TENM2: variants seen among roughly 807,000 people sequenced by gnomAD.
The protein encoded by TENM2 is teneurin transmembrane protein 2.
A neutral mutation model predicts 245.2 loss-of-function variants in TENM2; 52 were observed. That is an observed-to-expected ratio of 0.21 (90% CI 0.17 to 0.27). The LOEUF is 0.27. Among genes scored for constraint, TENM2 ranks in the 10% least tolerant of loss-of-function variants. The pLI, the probability that TENM2 is intolerant of heterozygous loss-of-function variation, is 1.00. For missense variants in TENM2, 3,046 were observed against 3,666.8 expected, an observed-to-expected ratio of 0.83 and a Z score of 4.37; for synonymous variants, 1,363 against 1,438.9, an observed-to-expected ratio of 0.95 and a Z score of 1.19.
intron 2 of TENM2, among the ~76,000 whole-genome samples, chr5:167,804,134 A>C (rs1181418824): frequency 6.6e-6 from 1 of 152,046 alleles, no homozygotes; most frequent in East Asian, 1.9e-4. Context: ...TCTAGTCCCA[A>C]GCATTTTGGA....
At chr5:167,728,161 C>G (rs544803696) in intron 2 of TENM2, among the ~76,000 whole-genome samples, 2 of 152,286 alleles carry the variant, frequency 1.3e-5, no homozygotes, top group East Asian at 3.9e-4. Flanking sequence ...CTCCACCCCA[C>G]TTCATCCCCT....
the TENM2 span, among the ~76,000 whole-genome samples, chr5:167,198,173 G>GC: frequency 6.6e-6 from 1 of 152,048 alleles, no homozygotes; most frequent in Non-Finnish European, 1.5e-5. Flanking sequence ...CTTCAGTCCT[G>GC]CAAAGGGGCC....
intron 2 of TENM2, among the ~76,000 whole-genome samples, chr5:167,773,438 G>T (rs890364330): frequency 1.2e-4 from 19 of 152,116 alleles, no homozygotes; most frequent in Admixed American, 2.0e-4. Flanking sequence ...GCTGAGAAAA[G>T]AAAATATATT....
intron 2 of TENM2, among the ~76,000 whole-genome samples, chr5:167,570,060 A>G (rs1774168022): frequency 6.6e-6 from 1 of 152,174 alleles, no homozygotes; most frequent in Non-Finnish European, 1.5e-5. Flanking sequence ...ATATGTTGAT[A>G]TGAAAGAGAA....
intron 2 of TENM2, among the ~76,000 whole-genome samples, chr5:167,469,831 C>T (rs1445488921): frequency 6.6e-6 from 1 of 151,820 alleles, no homozygotes; most frequent in African/African-American, 2.4e-5. Flanking sequence ...AGTAGTCATA[C>T]CTTGCATCTT....
At chr5:167,551,417 A>G (rs1772930002) in intron 2 of TENM2, among the ~76,000 whole-genome samples, 1 of 152,094 alleles carries the variant, frequency 6.6e-6, no homozygotes, top group African/African-American at 2.4e-5. Context: ...CTGCCCGCTC[A>G]TCTATCTATC....
intron 2 of TENM2, among the ~76,000 whole-genome samples, chr5:167,853,815 A>G (rs530427624): frequency 6.6e-6 from 1 of 152,318 alleles, no homozygotes; most frequent in Admixed American, 6.5e-5. Context: ...TCCACTTTGT[A>G]GATGCAAATA....
chr5:167,357,877 G>A (rs1049539758), intron 1 of TENM2, among the ~76,000 whole-genome samples: 7 of 152,100 alleles, frequency 4.6e-5, no homozygotes, highest in African/African-American at 1.4e-4. Flanking sequence ...AACGAATTTC[G>A]AAACCACATC....
At chr5:167,481,745 A>G (rs1022502844) in intron 2 of TENM2, among the ~76,000 whole-genome samples, 2 of 152,256 alleles carry the variant, frequency 1.3e-5, no homozygotes, top group East Asian at 1.9e-4. Context: ...TTGAGCCTCA[A>G]TTAAGCAAAC....
the TENM2 span, among the ~76,000 whole-genome samples, chr5:166,981,388 G>A: frequency 2.6e-5 from 4 of 152,244 alleles, no homozygotes; most frequent in African/African-American, 9.6e-5. Flanking sequence ...GACCACAGTT[G>A]TCTTTGAGTG....
intron 2 of TENM2, among the ~76,000 whole-genome samples, chr5:167,573,245 C>T (rs1774400394): frequency 1.3e-5 from 2 of 151,902 alleles, no homozygotes; most frequent in African/African-American, 2.4e-5. Context: ...AATAAATATG[C>T]GAAATAAATT....
At chr5:167,682,033 C>T (rs1047528803) in intron 2 of TENM2, among the ~76,000 whole-genome samples, 15 of 151,808 alleles carry the variant, frequency 9.9e-5, no homozygotes, top group South Asian at 2.1e-4. Context: ...GCCCTTCCTT[C>T]CTTCCTTTCT....
chr5:167,435,983 T>C (rs1420661685), intron 2 of TENM2, among the ~76,000 whole-genome samples: 3 of 145,050 alleles, frequency 2.1e-5, no homozygotes, highest in East Asian at 3.9e-4. Context: ...TTCTTTTTTT[T>C]TTTTTTTTTT....
chr5:168,184,076 C>T (rs556545632), intron 13 of TENM2, among the ~76,000 whole-genome samples: 323 of 152,306 alleles, frequency 2.1e-3, no homozygotes, highest in Admixed American at 4.6e-3. Context: ...CCAACTAATA[C>T]CTCCTCATCA....
chr5:168,001,569 A>G (rs1784425542), intron 5 of TENM2, among the ~76,000 whole-genome samples: 1 of 152,266 alleles, frequency 6.6e-6, no homozygotes. Flanking sequence ...CAACCCACAC[A>G]GAATCTTTTG....
chr5:167,720,528 G>A (rs1759557856), intron 2 of TENM2, among the ~76,000 whole-genome samples: 1 of 152,254 alleles, frequency 6.6e-6, no homozygotes, highest in South Asian at 2.1e-4. Flanking sequence ...TGAATTTATT[G>A]TAGATACTTA....
At chr5:166,979,794 G>A in the TENM2 span, among the ~76,000 whole-genome samples, 1 of 152,092 alleles carries the variant, frequency 6.6e-6, no homozygotes, top group African/African-American at 2.4e-5. Context: ...GGGGGGGAGG[G>A]GAAAGATTGC....
At chr5:168,165,799 GAAAAAAAAAA>G (rs61343026) in intron 13 of TENM2, 14 of 100,760 alleles carry the variant, frequency 1.4e-4, no homozygotes, top group Non-Finnish European at 6.6e-5. Flanking sequence ...TAACCACAAA[GAAAAAAAAAA>G]AAAAAGGCTG....
chr5:168,218,661 G>A lies in TENM2; in HGVS notation c.4770G>A (p.Glu1590=). Reference sequence around the variant, plus strand: ...AGTATGAGGCTGCATCCCCCGGAGAGCAGGAGTTATATGTTTTCAACGCTG... The same window carrying A: ...AGTATGAGGCTGCATCCCCCGGAGAACAGGAGTTATATGTTTTCAACGCTG... The change falls in exon 23 of 29, where the codon GAG becomes GAA. Residue 1590 remains glutamate, a synonymous_variant. Coordinates refer to ENST00000518659, the Ensembl canonical transcript of TENM2. This position sits in a 1 kb window ranked among gnomAD's most constrained non-coding sequence, Gnocchi z 5.2. The A allele has an allele frequency of 6.2e-7, 1 of 1,614,034 alleles. No homozygotes were observed. The highest frequency in any genetic ancestry group is 8.5e-7 in the Non-Finnish European group (1 of 1,179,896).
Sources: allele counts gnomAD v4.1 joint callset (sites outside exome capture counted in the v4.1 genomes callset), GRCh38; gene constraint gnomAD v4.1.1; non-coding constraint Gnocchi (gnomAD v3.1); transcripts MANE v1.5; gene names NCBI Gene and HGNC (gene_info 2026-07-23, HGNC 2026-07-21).